KIF5B: variants seen among roughly 807,000 people sequenced by gnomAD.
KIF5B encodes kinesin family member 5B.
A neutral mutation model predicts 132.8 loss-of-function variants in KIF5B; 49 were observed. That is an observed-to-expected ratio of 0.37 (90% CI 0.29 to 0.47). The LOEUF is 0.47. Among genes scored for constraint, KIF5B ranks in the 20% least tolerant of loss-of-function variants. The pLI is 1.00. For missense variants in KIF5B, 780 were observed against 1,144.0 expected (o/e 0.68, Z 4.59); for synonymous variants, 355 against 369.4 (o/e 0.96, Z 0.45).
rs762196655 is a variant in KIF5B at position 32,035,542 on chromosome 10, A to T, written c.942T>A (p.Ser314=). The stretch of plus-strand genomic sequence containing the variant: ...CAAACCTTTGGCCAAATAAGAGTGT[A>T]GATTTTGTTTCAGACTCATTGTATG... ...PSSYNESETK[S]TLLFGQRAKT... is the part of the protein sequence containing the mutation. Residue 314 remains serine (S), a synonymous_variant, in exon 10 of 26, where the codon TCT becomes TCA. Coordinates refer to ENST00000302418, the MANE Select transcript of KIF5B (RefSeq NM_004521.3). The T allele has an allele frequency of 6.2e-7, 1 of 1,612,538 alleles. No homozygotes were observed. Among genetic ancestry groups the T allele is most frequent in the Non-Finnish European group, 8.5e-7 (1 of 1,179,416 alleles).
At chr10:32,036,633 T>C (rs1228375250) in intron 8 of KIF5B, among the ~76,000 whole-genome samples, 5 of 152,160 alleles carry the variant, frequency 3.3e-5, no homozygotes, top group Admixed American at 2.0e-4. Flanking sequence ...CAATGTTGGC[T>C]GAAGAAATAG....
At position 32,056,242 on chromosome 10, in the gene KIF5B, C is replaced by T. The variant is rs1311440784; in HGVS notation, c.-269G>A. 2.3e-6 allele frequency: 1 copy of T among 439,310 alleles called. No individual in the cohort carries two copies. Among genetic ancestry groups the T allele is most frequent in the Non-Finnish European group, 4.0e-6 (1 of 248,516 alleles). The allele number at this position is 439,310 out of a possible 1,614,324, so 27.2% of individuals were successfully genotyped here. The stretch of plus-strand genomic sequence containing the variant: ...GCGGCACCGGGGAGAGCGTCCGCGG[C>T]TCCTCAGCGTCCCCCTTTACGGTCT... On this transcript the variant is annotated 5_prime_UTR_variant, in exon 1 of 26. Transcript: ENST00000302418.
intron 10 of KIF5B, 105 bp downstream of exon 10, chr10:32,035,417 G>T: frequency 1.1e-6 from 1 of 951,852 alleles, no homozygotes; most frequent in Non-Finnish European, 1.6e-6. Context: ...AGTGTGTCTA[G>T]CACAAAACAG....
intron 5 of KIF5B, 60 bp from the exon 6 acceptor site, chr10:32,038,278 A>C: frequency 1.8e-6 from 2 of 1,141,764 alleles, no homozygotes; most frequent in South Asian, 2.6e-5. Context: ...CTGGATATGA[A>C]ATAACTGATA....
At position 32,009,818 on chromosome 10, in the gene KIF5B, C is replaced by T. The variant is rs1420105942; in HGVS notation, c.*1719G>A. On this transcript the variant is annotated 3_prime_UTR_variant, in exon 26 of 26. Coordinates refer to ENST00000302418, the MANE Select transcript of KIF5B (RefSeq NM_004521.3). ...CTTTTTTTGCTTGTTAACTATATTA[C>T]TTATAACTGGCTGCACCAACATTTC... 1.3e-5 allele frequency: 2 copies of T among 152,158 alleles called. No individual in the cohort carries two copies. The highest frequency in any genetic ancestry group is 2.9e-5 in the Non-Finnish European group (2 of 68,018). The allele number at this position is 152,158 out of a possible 1,614,324, so 9.4% of individuals were successfully genotyped here.
chr10:32,053,477 C>T (rs1191032492), intron 1 of KIF5B, among the ~76,000 whole-genome samples: 1 of 150,422 alleles, frequency 6.6e-6, no homozygotes, highest in East Asian at 1.9e-4. Flanking sequence ...GTGATCCCAG[C>T]ACTTTGGGAG....
chr10:32,039,524 G>C (rs1332648859), intron 3 of KIF5B, 93 bp from the exon 4 acceptor site: 3 of 655,320 alleles, frequency 4.6e-6, no homozygotes, highest in Non-Finnish European at 7.9e-6. Context: ...GTCAAGAAAG[G>C]ACAGGAACTA....
chr10:32,028,467 A>G lies in KIF5B; in HGVS notation c.1686T>C (p.Leu562=), dbSNP rs1564465957. 3 of 1,613,010 alleles carry G rather than the reference A, an allele frequency of 1.9e-6. No homozygotes were observed. Among genetic ancestry groups the G allele is most frequent in the Non-Finnish European group, 2.5e-6 (3 of 1,179,120 alleles). ...TTCCCACAGCAATTCCTATTTCTGC[A>G]AGGTCTTTTAGTAAAGATGCCATCA... ...AEMMASLLKD[L]AEIGIAVGNN... is the part of the protein sequence containing the mutation. The change falls in exon 15 of 26, where the codon CTT becomes CTC. Residue 562 remains leucine, a synonymous_variant. Transcript: ENST00000302418.
rs1841205021 is a variant in KIF5B at position 32,018,311 on chromosome 10, A to C, written c.2439+5T>G. 1 of 1,503,650 alleles carries C rather than the reference A, an allele frequency of 6.7e-7. No individual in the cohort carries two copies. The highest frequency in any genetic ancestry group is 8.9e-7 in the Non-Finnish European group (1 of 1,127,798). The allele number at this position is 1,503,650 out of a possible 1,614,324, so 93.1% of individuals were successfully genotyped here. On this transcript the variant is annotated splice_donor_5th_base_variant and intron_variant, in intron 22 of 25. Transcript: ENST00000302418. Reference sequence around the variant, plus strand: ...CAAACGCCTACCTCGGCATAGTTACATTACCTTTTTAACTCTTGTAGCCAG... The same window carrying C: ...CAAACGCCTACCTCGGCATAGTTACCTTACCTTTTTAACTCTTGTAGCCAG...
At chr10:32,022,364 T>A in intron 16 of KIF5B, 107 bp from the exon 17 acceptor site, 1 of 625,884 alleles carries the variant, frequency 1.6e-6, no homozygotes, top group Non-Finnish European at 2.8e-6. Context: ...TTGGGAATAT[T>A]TAAAACTAAA....
rs1564467956 is a variant in KIF5B, at chr10:32,035,527, G to C, written c.957C>G (p.Gly319=). ...GTACTTTCTTAACAACAAACCTTTG[G>C]CCAAATAAGAGTGTAGATTTTGTTT... The part of the protein sequence containing the change: ...ESETKSTLLF[G]QRAKTIKNTV... The change falls in exon 10 of 26, where the codon GGC becomes GGG. Residue 319 remains glycine, a synonymous_variant. Coordinates refer to ENST00000302418, the MANE Select transcript of KIF5B (RefSeq NM_004521.3). The C allele has an allele frequency of 6.2e-7, 1 of 1,606,216 alleles. No homozygotes were observed.
Position 32,018,570 on chromosome 10 carries a change from TAGA to T in KIF5B, c.2307-11_2307-9del, listed in dbSNP as rs746476330. On this transcript the variant is annotated splice_polypyrimidine_tract_variant and intron_variant, in intron 20 of 25. Transcript: ENST00000302418. ...CGTCTATCTTGCATAACCCTAACAG[TAGA>T]AGAACAAACATATATTTTCAAATTT... 18 of 1,600,588 alleles carry T rather than the reference TAGA, an allele frequency of 1.1e-5. No homozygotes were observed. The East Asian group carries it at 2.2e-4, about 20-fold the overall frequency.
intron 20 of KIF5B, among the ~76,000 whole-genome samples, chr10:32,019,015 A>G (rs1055558727): frequency 3.1e-4 from 4 of 12,732 alleles, no homozygotes; most frequent in African/African-American, 3.6e-4. Context: ...AAATTTTCAT[A>G]TGCCTTCTAA....
At chr10:32,046,767 C>T (rs189897933) in intron 2 of KIF5B, among the ~76,000 whole-genome samples, 1 of 152,244 alleles carries the variant, frequency 6.6e-6, no homozygotes, top group Non-Finnish European at 1.5e-5. Context: ...AACACCTTTA[C>T]CTTTTCATTA....
In KIF5B at chr10:32,022,923, GCTTT is replaced by G; in HGVS notation, c.1835_1838del (p.Glu612AlafsTer17). 1.2e-6 allele frequency: 2 copies of G among 1,613,228 alleles called. No individual in the cohort carries two copies. The highest frequency in any genetic ancestry group is 1.7e-6 in the Non-Finnish European group (2 of 1,179,468). On this transcript the variant is annotated frameshift_variant, in exon 16 of 26. Coordinates refer to ENST00000302418, the MANE Select transcript of KIF5B (RefSeq NM_004521.3). LOFTEE classifies it high-confidence loss of function. ...TTTTTTTGTTGCTCTCAGTTTGTGT[GCTTT>G]CTAACTGCTTGCAACGTTTCACCAT...
Position 32,023,005 on chromosome 10 carries a change from T to A in KIF5B, c.1757A>T (p.Glu586Val). 1 of 1,605,436 alleles carries A rather than the reference T, an allele frequency of 6.2e-7. No individual in the cohort carries two copies. Among genetic ancestry groups the A allele is most frequent in the Non-Finnish European group, 8.5e-7 (1 of 1,174,854 alleles). ...AATGTAGAGTCTTGCAACAGTGAAC[T>A]CTTCATCTATCATGCCAGTTCCCTC... Reference protein sequence around the residue: ...QPEGTGMIDEEFTVARLYISK... With the variant: ...QPEGTGMIDEVFTVARLYISK... Residue 586 changes from glutamate to valine, a missense_variant, in exon 16 of 26, where the codon GAG becomes GTG. Coordinates refer to ENST00000302418, the MANE Select transcript of KIF5B (RefSeq NM_004521.3).
At chr10:32,020,850 G>A (rs999950908) in intron 19 of KIF5B, among the ~76,000 whole-genome samples, 172 bp downstream of exon 19, 1 of 152,096 alleles carries the variant, frequency 6.6e-6, no homozygotes, top group South Asian at 2.1e-4. Context: ...CTAAAAAAAA[G>A]CCTCAAAAAT....
chr10:32,020,165 TCTC>T (rs1841238924), intron 19 of KIF5B, among the ~76,000 whole-genome samples: 1 of 152,266 alleles, frequency 6.6e-6, no homozygotes, highest in Admixed American at 6.5e-5. Context: ...ATGATTCTGT[TCTC>T]CTCTGTCTTT....
At chr10:32,044,738 T>A (rs896415220) in intron 2 of KIF5B, among the ~76,000 whole-genome samples, 1 of 151,626 alleles carries the variant, frequency 6.6e-6, no homozygotes, top group Non-Finnish European at 1.5e-5. Flanking sequence ...ATACCTGTAT[T>A]GTGCTTAACA....
Sources: gnomAD v4.1 joint callset for allele counts (sites outside exome capture counted in the v4.1 genomes callset) on GRCh38, gnomAD v4.1.1 for gene constraint, MANE v1.5 for transcripts, NCBI Gene and HGNC (gene_info 2026-07-23, HGNC 2026-07-21) for gene names.